RNF114: variants seen among roughly 807,000 people sequenced by gnomAD.
RNF114 encodes ring finger protein 114.
Under a neutral mutation model 28.4 loss-of-function variants are expected in RNF114, and 6 were observed. The observed-to-expected ratio is 0.21, with a 90% CI of 0.12 to 0.42. RNF114 has a LOEUF of 0.42. RNF114 is among the 10% of genes least tolerant of loss of function. The pLI, the probability that RNF114 is intolerant of heterozygous loss-of-function variation, is 1.00. For missense variants in RNF114, 249 were observed against 311.7 expected (o/e 0.80, Z 1.51); for synonymous variants, 115 against 116.7 (o/e 0.99, Z 0.09).
At chr20:49,943,153 A>G (rs1015669574) in intron 2 of RNF114, among the ~76,000 whole-genome samples, 1 of 152,128 alleles carries the variant, frequency 6.6e-6, no homozygotes, top group Admixed American at 6.6e-5. Flanking sequence ...GATGCATAGT[A>G]GGGCCATTTC....
intron 1 of RNF114, among the ~76,000 whole-genome samples, chr20:49,938,631 T>A (rs1382447136): frequency 1.3e-5 from 2 of 152,162 alleles, no homozygotes; most frequent in African/African-American, 4.8e-5. Context: ...TTCCTAGCAC[T>A]GTGACGGAGT....
At chr20:49,947,093 G>A (rs958040752) in intron 4 of RNF114, among the ~76,000 whole-genome samples, 10 of 151,642 alleles carry the variant, frequency 6.6e-5, no homozygotes, top group Admixed American at 3.3e-4. Context: ...GGTGGCGGGC[G>A]CCTTTAATCC....
chr20:49,938,858 C>T (rs950199976), intron 1 of RNF114, among the ~76,000 whole-genome samples: 2 of 152,186 alleles, frequency 1.3e-5, no homozygotes, highest in Non-Finnish European at 1.5e-5. Context: ...GGTTTGGTTC[C>T]ATTATACTCA....
rs138110547 is a variant in RNF114, at chr20:49,947,523, A to G, written c.513+1273A>G. Among the ~76,000 whole-genome samples the G allele has an allele frequency of 1.9e-3, 295 of 152,122 alleles. 2 individuals carry two copies. The highest frequency in any genetic ancestry group is 6.7e-3 in the African/African-American group (278 of 41,480). ...GATGGAACTGGCCATTTTGAGAAACATATCTTTGCCTGTATCTATGTATGT... is the reference window on the plus strand; with the variant it reads ...GATGGAACTGGCCATTTTGAGAAACGTATCTTTGCCTGTATCTATGTATGT... On this transcript the variant is annotated intron_variant, in intron 4 of 5. Transcript: ENST00000244061.
intron 2 of RNF114, among the ~76,000 whole-genome samples, chr20:49,942,577 C>T (rs2090311898): frequency 6.6e-6 from 1 of 152,188 alleles, no homozygotes; most frequent in South Asian, 2.1e-4. Context: ...AATCCCAACA[C>T]TTTGGGAGGC....
intron 1 of RNF114, among the ~76,000 whole-genome samples, chr20:49,939,328 G>T (rs983347489): frequency 6.6e-6 from 1 of 152,160 alleles, no homozygotes; most frequent in Non-Finnish European, 1.5e-5. Flanking sequence ...TCTGTACCTG[G>T]TCTGGAATTT....
At position 49,950,934 on chromosome 20, in the gene RNF114, A is replaced by C. The variant is rs2090353136; in HGVS notation, c.622-1142A>C. ...TTCACAGGAGGTTTCACAGGTTTTA[A>C]TTATCTTCAAAAATACTTCAGGTCA... On this transcript the variant is annotated intron_variant, in intron 5 of 5. Coordinates refer to ENST00000244061, the MANE Select transcript of RNF114 (RefSeq NM_018683.4). Among the ~76,000 whole-genome samples, 2 of 152,128 alleles carry C rather than the reference A, an allele frequency of 1.3e-5. 1 individual carries two copies. Among genetic ancestry groups the C allele is most frequent in the Admixed American group, 1.3e-4 (2 of 15,270 alleles).
chr20:49,944,558 T>C (rs537847806), intron 2 of RNF114: 1 of 152,342 alleles, frequency 6.6e-6, no homozygotes, highest in East Asian at 1.9e-4. Flanking sequence ...CTTCTCTTTC[T>C]GTTTTACTGT....
At position 49,949,372 on chromosome 20, in the gene RNF114, G is replaced by A; in HGVS notation, c.621+17G>A. The A allele has an allele frequency of 1.2e-6, 2 of 1,601,744 alleles. No individual in the cohort carries two copies. Among genetic ancestry groups the A allele is most frequent in the Non-Finnish European group, 1.7e-6 (2 of 1,169,716 alleles). The stretch of plus-strand genomic sequence containing the variant: ...ACTTTTGTGGTAAGTCTGGAGCCTG[G>A]GCTCTGATCCCTCCCCTGGGGGAGT... On this transcript the variant is annotated intron_variant, in intron 5 of 5. Coordinates refer to ENST00000244061, the MANE Select transcript of RNF114 (RefSeq NM_018683.4).
At chr20:49,937,198 G>C (rs1395589849) in intron 1 of RNF114, among the ~76,000 whole-genome samples, 2 of 152,204 alleles carry the variant, frequency 1.3e-5, no homozygotes, top group African/African-American at 4.8e-5. Context: ...GATTAAAGCA[G>C]ATATGTGTAT....
Position 49,947,858 on chromosome 20 carries a change from C to G in RNF114, c.514-1390C>G, listed in dbSNP as rs2090340238. Among the ~76,000 whole-genome samples the G allele has an allele frequency of 5.4e-5, 7 of 129,704 alleles. No individual in the cohort carries two copies. In the Admixed American group the frequency reaches 6.4e-4, roughly 12 times the overall value. The allele number at this position is 129,704 out of a possible 152,430, so 85.1% of individuals were successfully genotyped here. A position where few individuals can be genotyped will look rare whatever the true frequency, so the allele number is the denominator to read the frequency against. ...CCAGGCTGGAGTGCAGTGGCGCGAT[C>G]TCGACTCACTGCAAGCTCCGCCTCC... On this transcript the variant is annotated intron_variant, in intron 4 of 5. Coordinates refer to ENST00000244061, the MANE Select transcript of RNF114 (RefSeq NM_018683.4).
At chr20:49,945,187 T>C (rs1355853231) in intron 2 of RNF114, 195 bp from the exon 3 acceptor site, 1 of 517,054 alleles carries the variant, frequency 1.9e-6, no homozygotes, top group African/African-American at 1.9e-5. Context: ...TTTAGTCGAA[T>C]AAAATAGCAG....
chr20:49,936,626 C>G, intron 1 of RNF114, 74 bp downstream of exon 1: 1 of 1,519,450 alleles, frequency 6.6e-7, no homozygotes, highest in Admixed American at 2.2e-5. Context: ...CGAGATGGGT[C>G]TCAGGGCGGG....
At position 49,945,615 on chromosome 20, in the gene RNF114, G is replaced by A. The variant is rs117126892; in HGVS notation, c.398+127G>A. 6.2e-3 allele frequency: 3,842 copies of A among 622,388 alleles called. 16 individuals carry two copies. The highest frequency in any genetic ancestry group is 0.023 in the Middle Eastern group (83 of 3,598). 38.6% of individuals were successfully genotyped at this position (622,388 alleles called of 1,614,324 possible). On this transcript the variant is annotated intron_variant, in intron 3 of 5. Transcript: ENST00000244061. ...AAAGCTGATACAAGTATTTTGGGAG[G>A]AGTATGCAAGGGAGGACTCTGGTGT... is the stretch of plus-strand genomic sequence containing the variant.
intron 1 of RNF114, among the ~76,000 whole-genome samples, chr20:49,938,655 G>C (rs1318767979): frequency 6.6e-6 from 1 of 152,182 alleles, no homozygotes; most frequent in Non-Finnish European, 1.5e-5. Flanking sequence ...GCATCGGAAG[G>C]CTGAACTAGA....
At chr20:49,941,084 A>G (rs1315406074) in intron 1 of RNF114, 1 of 152,654 alleles carries the variant, frequency 6.6e-6, no homozygotes, top group Admixed American at 6.5e-5. Context: ...TCACTAGTTG[A>G]TTTTCCCTTT....
At chr20:49,947,210 ACTGCCCCCCCCC>A (rs2090335695) in intron 4 of RNF114, among the ~76,000 whole-genome samples, 1 of 32,982 alleles carries the variant, frequency 3.0e-5, no homozygotes, top group African/African-American at 1.5e-4. Context: ...GCAGAACAAA[ACTGCCCCCCCCC>A]CCCCCCCCCC....
chr20:49,940,427 T>G (rs1349913241), intron 1 of RNF114, among the ~76,000 whole-genome samples: 1 of 151,924 alleles, frequency 6.6e-6, no homozygotes, highest in African/African-American at 2.4e-5. Flanking sequence ...TTTTTTTTTT[T>G]TGAGACGGAG....
At chr20:49,943,583 AT>A (rs1294836307) in intron 2 of RNF114, among the ~76,000 whole-genome samples, 2 of 147,834 alleles carry the variant, frequency 1.4e-5, no homozygotes, top group East Asian at 2.0e-4. Flanking sequence ...ATATTGGAGC[AT>A]TTTTTTCCCC....
Sources: gnomAD v4.1 joint callset for allele counts (sites outside exome capture counted in the v4.1 genomes callset) on GRCh38, gnomAD v4.1.1 for gene constraint, MANE v1.5 for transcripts, NCBI Gene and HGNC (gene_info 2026-07-23, HGNC 2026-07-21) for gene names.